CSMD1: variants seen among roughly 807,000 people sequenced by gnomAD.
CSMD1 encodes the protein CUB and Sushi multiple domains 1, also known as CUB and sushi domain-containing protein 1.
Under a neutral mutation model 417.5 loss-of-function variants are expected in CSMD1, and 213 were observed. The observed-to-expected ratio is 0.51, with a 90% CI of 0.46 to 0.57. The LOEUF (loss-of-function observed/expected upper bound fraction) is 0.57. Among genes scored for constraint, CSMD1 ranks in the 20% least tolerant of loss-of-function variants. The pLI is 0.00. For missense variants in CSMD1, 6,923 were observed against 4,529.7 expected (o/e 1.53, Z -15.17); for synonymous variants, 2,862 against 1,736.8 (o/e 1.65, Z -16.11).
chr8:3,697,737 TA>T (rs1402083905), intron 7 of CSMD1, among the ~76,000 whole-genome samples: 1 of 152,222 alleles, frequency 6.6e-6, no homozygotes, highest in African/African-American at 2.4e-5. Flanking sequence ...TTTTCTTATA[TA>T]AAATTTGATG....
At chr8:3,409,728 G>T in intron 12 of CSMD1, 123 bp from the exon 13 acceptor site, 3 of 688,804 alleles carry the variant, frequency 4.4e-6, no homozygotes, top group South Asian at 2.4e-5. Flanking sequence ...TTTGTAAAGT[G>T]TTTCTAAAGG....
At chr8:3,651,051 G>C (rs1014570359) in intron 7 of CSMD1, among the ~76,000 whole-genome samples, 1 of 152,098 alleles carries the variant, frequency 6.6e-6, no homozygotes, top group African/African-American at 2.4e-5. Context: ...TTACCCACCA[G>C]AATATCCCAT....
rs1022837143 is a variant in CSMD1 at position 4,993,341 on chromosome 8, CA to C, written c.85+990del. On this transcript the variant is annotated intron_variant, in intron 1 of 69. Transcript: ENST00000635120. ...CATCTAAGGAGGCTAAAAATGAGGACAGGGGCAGGTATTTCCAATGTGAAAA... is the reference window on the plus strand; with the variant it reads ...CATCTAAGGAGGCTAAAAATGAGGACGGGGCAGGTATTTCCAATGTGAAAA... 1.2e-4 allele frequency among the ~76,000 whole-genome samples: 17 copies of C among 147,266 alleles called. 1 individual carries two copies. Among genetic ancestry groups the C allele is most frequent in the African/African-American group, 2.0e-4 (8 of 40,948 alleles).
chr8:4,942,953 G>C (rs1485591773), intron 1 of CSMD1, among the ~76,000 whole-genome samples: 3 of 152,184 alleles, frequency 2.0e-5, no homozygotes, highest in East Asian at 1.9e-4. Context: ...GTGCATTCAG[G>C]ATTGAGATAG....
intron 36 of CSMD1, among the ~76,000 whole-genome samples, chr8:3,185,812 T>C (rs1379418582): frequency 6.6e-6 from 1 of 152,202 alleles, no homozygotes; most frequent in Non-Finnish European, 1.5e-5. Context: ...CAGAGATTAA[T>C]ATAGATTCTG....
chr8:3,742,635 C>T (rs1796869440), intron 6 of CSMD1, among the ~76,000 whole-genome samples: 1 of 152,118 alleles, frequency 6.6e-6, no homozygotes. Context: ...TTTCCTTCTG[C>T]TCGTCCTGAA....
chr8:3,559,705 C>G (rs1416986046), intron 10 of CSMD1, among the ~76,000 whole-genome samples: 1 of 152,076 alleles, frequency 6.6e-6, no homozygotes, highest in African/African-American at 2.4e-5. Context: ...AAATAATGAT[C>G]ACATATTGAT....
intron 2 of CSMD1, among the ~76,000 whole-genome samples, chr8:4,552,900 A>T (rs145268947): frequency 6.6e-6 from 1 of 152,322 alleles, no homozygotes; most frequent in East Asian, 1.9e-4. Context: ...CCCTAGGAAC[A>T]GGTGAGATGG....
At chr8:3,946,444 C>A (rs538535835) in intron 5 of CSMD1, among the ~76,000 whole-genome samples, 25 of 152,230 alleles carry the variant, frequency 1.6e-4, no homozygotes, top group African/African-American at 6.0e-4. Flanking sequence ...TCAATATTGA[C>A]ATCTTCAAAT....
chr8:4,493,562 A>G (rs1347864226), intron 2 of CSMD1, among the ~76,000 whole-genome samples: 2 of 152,022 alleles, frequency 1.3e-5, no homozygotes, highest in Non-Finnish European at 2.9e-5. Context: ...TAGCCAGGCA[A>G]TGGGGCATGC....
chr8:4,595,640 G>A (rs184576546), intron 2 of CSMD1, among the ~76,000 whole-genome samples: 1 of 152,122 alleles, frequency 6.6e-6, no homozygotes, highest in African/African-American at 2.4e-5. Flanking sequence ...TGCGATGCAT[G>A]TCTGTAGTCC....
intron 5 of CSMD1, among the ~76,000 whole-genome samples, chr8:3,901,252 T>C (rs1402087914): frequency 6.6e-6 from 1 of 152,190 alleles, no homozygotes; most frequent in Non-Finnish European, 1.5e-5. Context: ...TCTTTTCCAG[T>C]TGTACTGAGG....
At chr8:4,854,954 G>A (rs1262215290) in intron 1 of CSMD1, among the ~76,000 whole-genome samples, 1 of 151,204 alleles carries the variant, frequency 6.6e-6, no homozygotes, top group Admixed American at 6.6e-5. Context: ...CTCCACCTCT[G>A]GGGGCAGGGC....
At chr8:3,880,249 T>A (rs1182548234) in intron 5 of CSMD1, among the ~76,000 whole-genome samples, 2 of 152,164 alleles carry the variant, frequency 1.3e-5, no homozygotes, top group East Asian at 3.9e-4. Flanking sequence ...CACCTTCTCT[T>A]AACATTCATG....
intron 62 of CSMD1, 25 bp downstream of exon 62, chr8:2,961,116 A>G (rs1052728695): frequency 1.4e-6 from 2 of 1,443,126 alleles, no homozygotes; most frequent in African/African-American, 1.4e-5. Context: ...CAGAAAGAAA[A>G]CATAGTAAAT....
chr8:3,490,440 T>C (rs549736998), intron 11 of CSMD1, among the ~76,000 whole-genome samples: 1 of 152,380 alleles, frequency 6.6e-6, no homozygotes, highest in East Asian at 1.9e-4. Flanking sequence ...CCTGCATTTA[T>C]ATTTTAAATT....
In CSMD1 at chr8:3,313,927, A is replaced by C. The variant is rs552253502; in HGVS notation, c.3632-5424T>G. 7.5e-4 allele frequency among the ~76,000 whole-genome samples: 114 copies of C among 152,350 alleles called. No individual in the cohort carries two copies. The Middle Eastern group carries it at 0.01, about 14-fold the overall frequency. Reference sequence around the variant, plus strand: ...AAATGTGGCACATATACACCATGGAATACTATGCAGCCATAAAAAATGATG... The same window carrying C: ...AAATGTGGCACATATACACCATGGACTACTATGCAGCCATAAAAAATGATG... On this transcript the variant is annotated intron_variant, in intron 23 of 69. Transcript: ENST00000635120.
intron 7 of CSMD1, among the ~76,000 whole-genome samples, chr8:3,686,344 G>A (rs945620799): frequency 8.5e-5 from 13 of 152,192 alleles, no homozygotes; most frequent in African/African-American, 3.1e-4. Flanking sequence ...ACTTCTCTAC[G>A]CTTGTCTTCA....
intron 7 of CSMD1, among the ~76,000 whole-genome samples, chr8:3,634,549 A>C (rs974815610): frequency 1.3e-5 from 2 of 151,962 alleles, no homozygotes; most frequent in Non-Finnish European, 2.9e-5. Flanking sequence ...TTTTGCCTTT[A>C]AACTGTCTCT....
Sources: gnomAD v4.1 joint callset for allele counts (sites outside exome capture counted in the v4.1 genomes callset) on GRCh38, gnomAD v4.1.1 for gene constraint, MANE v1.5 for transcripts, NCBI Gene and HGNC (gene_info 2026-07-23, HGNC 2026-07-21) for gene names.